ANO6: variants seen among roughly 807,000 people sequenced by gnomAD.
ANO6 encodes anoctamin-6.
A neutral mutation model predicts 117.5 loss-of-function variants in ANO6; 106 were observed. The ratio of observed to expected loss-of-function variants is 0.90; its 90% CI spans 0.77 to 1.06. The LOEUF is 1.06. Ranked by LOEUF, ANO6 falls within the 50% of genes least tolerant of loss-of-function variation. ANO6 has a pLI of 0.00. For synonymous variants in ANO6, 367 were observed against 385.1 expected (o/e 0.95, Z 0.55); for missense variants, 955 against 1,121.1 (o/e 0.85, Z 2.12).
At chr12:45,325,618 C>CT (rs1940433564) in intron 2 of ANO6, among the ~76,000 whole-genome samples, 1 of 152,126 alleles carries the variant, frequency 6.6e-6, no homozygotes. Context: ...ATGATGATGT[C>CT]TTCTAGAAAA....
intron 9 of ANO6, among the ~76,000 whole-genome samples, chr12:45,369,875 A>G (rs1316280): frequency 0.15 from 22,634 of 152,216 alleles, 2,321 homozygotes; most frequent in East Asian, 0.46. Context: ...CTAGCTGGCA[A>G]GATAAAAGGG....
intron 12 of ANO6, among the ~76,000 whole-genome samples, chr12:45,400,940 T>C (rs1942769338): frequency 6.6e-6 from 1 of 152,204 alleles, no homozygotes; most frequent in South Asian, 2.1e-4. Flanking sequence ...TAGTACTGTG[T>C]ATCAAGTAAG....
chr12:45,307,183 C>A (rs1055504021), intron 2 of ANO6, among the ~76,000 whole-genome samples: 1 of 152,062 alleles, frequency 6.6e-6, no homozygotes, highest in Non-Finnish European at 1.5e-5. Flanking sequence ...AGAGGAGCAA[C>A]CTGAACTGCC....
At chr12:45,228,120 G>GTTTT in intron 1 of ANO6, 1 of 330,030 alleles carries the variant, frequency 3.0e-6, no homozygotes, top group South Asian at 2.1e-5. Context: ...GGCTTTTTGT[G>GTTTT]TTGTTTTTTT....
chr12:45,421,020 A>C, intron 17 of ANO6, 51 bp from the exon 18 acceptor site: 1 of 1,600,594 alleles, frequency 6.2e-7, no homozygotes, highest in Non-Finnish European at 8.6e-7. Flanking sequence ...ACTCCGTCTC[A>C]AAAACAAAAA....
intron 10 of ANO6, among the ~76,000 whole-genome samples, chr12:45,379,964 A>G (rs1490280894): frequency 6.6e-6 from 1 of 152,156 alleles, no homozygotes; most frequent in Non-Finnish European, 1.5e-5. Context: ...GAACCACTTT[A>G]CAGAAAGTTT....
intron 13 of ANO6, among the ~76,000 whole-genome samples, chr12:45,402,311 A>G (rs987767992): frequency 3.9e-5 from 6 of 152,326 alleles, no homozygotes; most frequent in Non-Finnish European, 5.9e-5. Context: ...TTGAAAGTCA[A>G]TAGTCTCTTT....
At position 45,367,695 on chromosome 12, in the gene ANO6, G is replaced by C. The variant is rs1414276490; in HGVS notation, c.1006G>C (p.Val336Leu). 5.0e-6 allele frequency: 8 copies of C among 1,612,422 alleles called. No individual in the cohort carries two copies. In the Admixed American group the frequency reaches 1.0e-4, roughly 20 times the overall value. ...NQDNCTWSKEVCHPDIGGKII... is the reference protein window; with the variant it reads ...NQDNCTWSKELCHPDIGGKII... ...TTATTTCTCTCTTTTTAGCAAAGAA[G>C]TTTGTCATCCTGATATTGGTGGCAA... Residue 336 changes from valine to leucine, a missense_variant, in exon 9 of 20, where the codon GTT becomes CTT. Coordinates refer to ENST00000320560, the MANE Select transcript of ANO6 (RefSeq NM_001025356.3).
At chr12:45,417,395 T>G (rs1405755298) in intron 17 of ANO6, among the ~76,000 whole-genome samples, 3 of 152,156 alleles carry the variant, frequency 2.0e-5, no homozygotes, top group Non-Finnish European at 4.4e-5. Context: ...CTTCCTTGAC[T>G]CCAGAGCAGC....
chr12:45,424,327 G>GGTTTTTTTT (rs1943439717), intron 19 of ANO6, among the ~76,000 whole-genome samples: 2 of 81,240 alleles, frequency 2.5e-5, no homozygotes, highest in African/African-American at 9.9e-5. Flanking sequence ...TAGGTGATGG[G>GGTTTTTTTT]TTTTTTTTTT....
At chr12:45,380,132 T>C in intron 10 of ANO6, among the ~76,000 whole-genome samples, 1 of 148,294 alleles carries the variant, frequency 6.7e-6, no homozygotes, top group African/African-American at 2.7e-5. Context: ...CCTTTTGTAA[T>C]CAATATAATA....
intron 2 of ANO6, among the ~76,000 whole-genome samples, chr12:45,307,364 C>G (rs892850229): frequency 6.6e-6 from 1 of 152,094 alleles, no homozygotes. Flanking sequence ...TGAATACATT[C>G]TGAGGGTAGA....
chr12:45,256,970 G>A (rs1235476032), intron 1 of ANO6, among the ~76,000 whole-genome samples: 1 of 152,036 alleles, frequency 6.6e-6, no homozygotes, highest in Non-Finnish European at 1.5e-5. Flanking sequence ...GCCAGGAGAT[G>A]CAAATTCTTG....
intron 10 of ANO6, among the ~76,000 whole-genome samples, chr12:45,385,369 G>A (rs1390003537): frequency 6.6e-6 from 1 of 152,140 alleles, no homozygotes; most frequent in Non-Finnish European, 1.5e-5. Flanking sequence ...AGCTTCAGGG[G>A]TGGGGGCATA....
At chr12:45,424,373 C>G (rs1209215913) in intron 19 of ANO6, among the ~76,000 whole-genome samples, 3 of 118,008 alleles carry the variant, frequency 2.5e-5, no homozygotes, top group South Asian at 2.9e-4. Context: ...GAGTCTCACT[C>G]TGTTGCCCAG....
At chr12:45,426,384 T>A (rs1445680693) in intron 19 of ANO6, among the ~76,000 whole-genome samples, 1 of 152,126 alleles carries the variant, frequency 6.6e-6, no homozygotes, top group African/African-American at 2.4e-5. Context: ...CTCAAAATTC[T>A]CTCCATCCTT....
rs1367363054 is a variant in ANO6, at chr12:45,416,875, G to A, written c.2188G>A (p.Gly730Arg). 22 of 1,614,008 alleles carry A rather than the reference G, an allele frequency of 1.4e-5. No individual in the cohort carries two copies. The highest frequency in any genetic ancestry group is 1.9e-5 in the Non-Finnish European group (22 of 1,180,020). Residue 730 changes from glycine (G) to arginine (R), a missense_variant, in exon 17 of 20, where the codon GGA (glycine) becomes AGA (arginine). By Grantham distance (125) the Gly-to-Arg change is moderately radical (BLOSUM62 -2). Transcript: ENST00000320560. ...TGGAGCATGGCAGCCCATCATGCAA[G>A]GAATAGCAATTCTGGCTGTGGTGAC... is the stretch of plus-strand genomic sequence containing the variant. ...DIGAWQPIMQ[G>R]IAILAVVTNA...
downstream of ANO6, among the ~76,000 whole-genome samples, chr12:45,434,773 G>T (rs764487950): frequency 1.3e-5 from 2 of 152,164 alleles, no homozygotes; most frequent in African/African-American, 2.4e-5. Flanking sequence ...GCAAACATAT[G>T]TAAGGAGCAG....
chr12:45,246,400 GA>G (rs1040621220), intron 1 of ANO6, among the ~76,000 whole-genome samples: 9 of 152,106 alleles, frequency 5.9e-5, no homozygotes, highest in African/African-American at 2.2e-4. Flanking sequence ...TAGAGTGCTG[GA>G]AGTATTTCTA....
Sources: allele counts gnomAD v4.1 joint callset (sites outside exome capture counted in the v4.1 genomes callset), GRCh38; gene constraint gnomAD v4.1.1; transcripts MANE v1.5; gene names NCBI Gene and HGNC (gene_info 2026-07-23, HGNC 2026-07-21).